Variants in ACBD6 observed in about 807,000 individuals in gnomAD.
The protein encoded by ACBD6 is acyl-CoA-binding domain-containing protein 6.
ACBD6 carries 28 observed loss-of-function variants against 37.2 expected under a neutral mutation model. That is an observed-to-expected ratio of 0.75 (90% confidence interval 0.56 to 1.03). The LOEUF is 1.03. ACBD6 is among the 50% of genes least tolerant of loss of function. ACBD6 has a pLI of 0.00. For missense variants in ACBD6, 340 were observed against 337.4 expected (o/e 1.01, Z -0.06); for synonymous variants, 113 against 126.8 (o/e 0.89, Z 0.73).
intron 3 of ACBD6, among the ~76,000 whole-genome samples, chr1:180,432,910 TA>T (rs997501621): frequency 2.3e-4 from 32 of 141,512 alleles, no homozygotes; most frequent in African/African-American, 4.6e-4. Flanking sequence ...GAATCAGTAA[TA>T]AAAAAAAAAA....
chr1:180,274,243 C>T lies in ACBD6; in HGVS notation c.*937-131G>A, dbSNP rs150931176. On this transcript the variant is annotated intron_variant, in intron 10 of 13. Transcript: ENST00000642319. ...ATAGGATTTATGGCAACGTGGGGGACGTTACAGGCGGACAGTTAATGAATG... is the reference window on the plus strand; with the variant it reads ...ATAGGATTTATGGCAACGTGGGGGATGTTACAGGCGGACAGTTAATGAATG... 2.6e-5 allele frequency: 42 copies of T among 1,614,084 alleles called. No homozygotes were observed. The highest frequency in any genetic ancestry group is 3.3e-5 in the South Asian group (3 of 91,094).
chr1:180,414,790 T>C (rs1648006844), intron 4 of ACBD6, among the ~76,000 whole-genome samples: 1 of 152,222 alleles, frequency 6.6e-6, no homozygotes, highest in African/African-American at 2.4e-5. Flanking sequence ...AATAGGACTA[T>C]ATGGTCACTT....
chr1:180,351,279 C>A (rs1480078661), intron 6 of ACBD6, among the ~76,000 whole-genome samples: 4 of 77,758 alleles, frequency 5.1e-5, no homozygotes, highest in African/African-American at 1.7e-4. Flanking sequence ...CCAGATATTA[C>A]GTTTTTTTTT....
At chr1:180,318,361 ATTTCTTTTAT>A (rs1650918373) in intron 6 of ACBD6, among the ~76,000 whole-genome samples, 1 of 151,932 alleles carries the variant, frequency 6.6e-6, no homozygotes, top group Non-Finnish European at 1.5e-5. Flanking sequence ...TAGTCCCTAT[ATTTCTTTTAT>A]TTGAACTGAG....
chr1:180,488,353 T>C (rs1651358585), intron 3 of ACBD6, among the ~76,000 whole-genome samples: 1 of 152,220 alleles, frequency 6.6e-6, no homozygotes, highest in Admixed American at 6.5e-5. Context: ...GAAAACATAG[T>C]TATTTTTAAA....
At chr1:180,475,783 G>T (rs1650754589) in intron 3 of ACBD6, among the ~76,000 whole-genome samples, 1 of 151,856 alleles carries the variant, frequency 6.6e-6, no homozygotes, top group African/African-American at 2.4e-5. Flanking sequence ...CCAGTTTGGG[G>T]TTATTATAAA....
intron 5 of ACBD6, among the ~76,000 whole-genome samples, chr1:180,405,831 G>GAATCATAAATATTTGGTATGTGTGAA (rs1189585775): frequency 2.6e-5 from 4 of 151,946 alleles, no homozygotes; most frequent in Non-Finnish European, 4.4e-5. Context: ...TTTCTTGGAA[G>GAATCATAAATATTTGGTATGTGTGAA]AATCATAAAT....
At chr1:180,375,722 C>CT (rs1653406476) in intron 6 of ACBD6, among the ~76,000 whole-genome samples, 1 of 152,144 alleles carries the variant, frequency 6.6e-6, no homozygotes, top group African/African-American at 2.4e-5. Context: ...ATTTCAGAAT[C>CT]TAAGTGTAAA....
In ACBD6 at chr1:180,498,939, C is replaced by T. The variant is rs546354420; in HGVS notation, c.222+3106G>A. On this transcript the variant is annotated intron_variant, in intron 1 of 7. Transcript: ENST00000367595. ...AATTTTCATTACTCTCCAGTTTTCA[C>T]AGCTGTCAATTAGCTATCTTTAGGA... 2.6e-5 allele frequency among the ~76,000 whole-genome samples: 4 copies of T among 151,972 alleles called. No individual in the cohort carries two copies. The South Asian group carries it at 8.3e-4, about 32-fold the overall frequency.
At chr1:180,482,967 C>A (rs914111479) in intron 3 of ACBD6, among the ~76,000 whole-genome samples, 3 of 152,102 alleles carry the variant, frequency 2.0e-5, no homozygotes, top group Non-Finnish European at 4.4e-5. Context: ...ATGAAAATAT[C>A]ATTTAGTGGA....
chr1:180,501,340 CATT>C (rs67704933), intron 1 of ACBD6, among the ~76,000 whole-genome samples: 144,793 of 151,698 alleles, frequency 0.95, 69,165 homozygotes, highest in African/African-American at 0.99. Context: ...CATTGCATCA[CATT>C]ATTATTATTA....
intron 4 of ACBD6, among the ~76,000 whole-genome samples, chr1:180,429,889 C>T (rs926413994): frequency 1.3e-5 from 2 of 152,114 alleles, no homozygotes; most frequent in African/African-American, 4.8e-5. Flanking sequence ...CGTCACTAGA[C>T]ACCAATGAAA....
At chr1:180,431,223 C>A (rs1023311387) in intron 3 of ACBD6, among the ~76,000 whole-genome samples, 1 of 151,798 alleles carries the variant, frequency 6.6e-6, no homozygotes, top group African/African-American at 2.4e-5. Flanking sequence ...CCCCCTTCCC[C>A]GGAGATAGCA....
chr1:180,307,586 A>G (rs1650430938), intron 7 of ACBD6, among the ~76,000 whole-genome samples: 1 of 152,252 alleles, frequency 6.6e-6, no homozygotes, highest in South Asian at 2.1e-4. Context: ...TGATTATTAC[A>G]CATTGGATCC....
chr1:180,421,438 G>A (rs894366771), intron 4 of ACBD6, among the ~76,000 whole-genome samples: 3 of 152,128 alleles, frequency 2.0e-5, no homozygotes, highest in African/African-American at 7.2e-5. Flanking sequence ...CTTTGCTATT[G>A]TGAATAGTGC....
chr1:180,317,662 G>A (rs772121142), intron 6 of ACBD6, among the ~76,000 whole-genome samples: 1 of 152,178 alleles, frequency 6.6e-6, no homozygotes, highest in Non-Finnish European at 1.5e-5. Context: ...GACATGGAGA[G>A]AGAATGAGGG....
rs545371460 is a variant in ACBD6 at position 180,473,276 on chromosome 1, T to C, written c.384+18993A>G. ...TCCTGGCTAAAACGGTGAAACCCTGTCTCTACTAAAAATACAAAAAATTAG... is the reference window on the plus strand; with the variant it reads ...TCCTGGCTAAAACGGTGAAACCCTGCCTCTACTAAAAATACAAAAAATTAG... On this transcript the variant is annotated intron_variant, in intron 3 of 7. Transcript: ENST00000367595. 5.1e-3 allele frequency among the ~76,000 whole-genome samples: 767 copies of C among 151,740 alleles called. 5 individuals carry two copies. Among genetic ancestry groups the C allele is most frequent in the African/African-American group, 0.018 (726 of 41,366 alleles).
At chr1:180,278,580 G>A (rs928767390) in intron 9 of ACBD6, 1 of 151,968 alleles carries the variant, frequency 6.6e-6, no homozygotes, top group African/African-American at 2.4e-5. Context: ...CAGGTGAACA[G>A]AGGAAGGACA....
At chr1:180,458,056 A>G (rs533943591) in intron 3 of ACBD6, among the ~76,000 whole-genome samples, 55 of 152,268 alleles carry the variant, frequency 3.6e-4, no homozygotes, top group Admixed American at 1.2e-3. Flanking sequence ...TTGGCCTCCC[A>G]AAGTGCTGGG....
Sources: gnomAD v4.1 joint callset for allele counts (sites outside exome capture counted in the v4.1 genomes callset) on GRCh38, gnomAD v4.1.1 for gene constraint, MANE v1.5 for transcripts, NCBI Gene and HGNC (gene_info 2026-07-23, HGNC 2026-07-21) for gene names.